Variants in PTPRN2 observed in about 807,000 individuals in gnomAD.
PTPRN2 encodes receptor-type tyrosine-protein phosphatase N2.
In PTPRN2, 74 loss-of-function variants were observed where a neutral mutation model predicts 118.8. The observed-to-expected ratio is 0.62, with a 90% CI of 0.52 to 0.76. The LOEUF (loss-of-function observed/expected upper bound fraction) is 0.76, where lower values mean the gene tolerates loss of function less well. Ranked by LOEUF, PTPRN2 falls within the 30% of genes least tolerant of loss-of-function variation. The pLI is 0.00. For missense variants in PTPRN2, 1,481 were observed against 1,394.4 expected, an observed-to-expected ratio of 1.06 and a Z score of -0.99; for synonymous variants, 641 against 608.0, an observed-to-expected ratio of 1.05 and a Z score of -0.80.
chr7:157,769,703 C>T (rs1802685293), intron 12 of PTPRN2, among the ~76,000 whole-genome samples: 2 of 152,212 alleles, frequency 1.3e-5, no homozygotes, highest in Non-Finnish European at 2.9e-5. Flanking sequence ...TCACCAGCCC[C>T]TCCACACGGA....
At chr7:157,592,700 G>A (rs555540088) in intron 17 of PTPRN2, among the ~76,000 whole-genome samples, 5 of 150,738 alleles carry the variant, frequency 3.3e-5, no homozygotes, top group African/African-American at 7.3e-5. Context: ...GGGCATCATC[G>A]TGGTCGTTGA....
intron 3 of PTPRN2, among the ~76,000 whole-genome samples, chr7:158,253,274 G>A (rs1257650305): frequency 6.6e-6 from 1 of 151,078 alleles, no homozygotes; most frequent in Non-Finnish European, 1.5e-5. Context: ...ACTGACCGGG[G>A]CCAGCACAGC....
intron 12 of PTPRN2, among the ~76,000 whole-genome samples, chr7:157,795,806 C>T (rs375861812): frequency 1.3e-5 from 2 of 152,208 alleles, no homozygotes; most frequent in Non-Finnish European, 2.9e-5. Context: ...GGTGTACCTT[C>T]TGTGAGACCC....
At chr7:157,804,050 T>G (rs1805479483) in intron 12 of PTPRN2, among the ~76,000 whole-genome samples, 1 of 152,246 alleles carries the variant, frequency 6.6e-6, no homozygotes, top group South Asian at 2.1e-4. Flanking sequence ...GATGTATCCT[T>G]ATTATATTTA....
chr7:157,901,211 A>C (rs531596771), intron 11 of PTPRN2, among the ~76,000 whole-genome samples: 3 of 152,338 alleles, frequency 2.0e-5, no homozygotes, highest in Admixed American at 6.5e-5. Flanking sequence ...GAGGGCATGA[A>C]TCCATTCACG....
At chr7:158,115,002 G>A (rs112861368) in intron 9 of PTPRN2, among the ~76,000 whole-genome samples, 367 of 152,130 alleles carry the variant, frequency 2.4e-3, no homozygotes, top group African/African-American at 8.2e-3. Flanking sequence ...ATACAATGGC[G>A]AGCTATCAAC....
rs1310471601 is a variant in PTPRN2, at chr7:158,517,598, G to A, written c.113-27813C>T. Reference sequence around the variant, plus strand: ...AGGATCATCTTTACAAAATGCAAAGGTCATATTGCTCCTGAGCTGCAATGC... The same window carrying A: ...AGGATCATCTTTACAAAATGCAAAGATCATATTGCTCCTGAGCTGCAATGC... On this transcript the variant is annotated intron_variant, in intron 1 of 22. Transcript: ENST00000389418. The surrounding 1 kb of genome is among the most constrained non-coding windows in gnomAD (Gnocchi z 5.3). Among the ~76,000 whole-genome samples the A allele has an allele frequency of 2.0e-5, 3 of 152,132 alleles. No homozygotes were observed. The highest frequency in any genetic ancestry group is 4.4e-5 in the Non-Finnish European group (3 of 68,020).
chr7:157,728,270 C>T (rs1048970867), intron 12 of PTPRN2, among the ~76,000 whole-genome samples: 3 of 152,260 alleles, frequency 2.0e-5, no homozygotes, highest in Non-Finnish European at 4.4e-5. Flanking sequence ...GACAGGCCAC[C>T]CTCAGCCCCA....
intron 11 of PTPRN2, among the ~76,000 whole-genome samples, chr7:157,963,996 T>C (rs1203823502): frequency 6.6e-6 from 1 of 152,248 alleles, no homozygotes; most frequent in Non-Finnish European, 1.5e-5. Context: ...CATTAAGTCC[T>C]AATTACATGT....
At chr7:157,896,367 G>C (rs1797115892) in intron 12 of PTPRN2, among the ~76,000 whole-genome samples, 1 of 152,198 alleles carries the variant, frequency 6.6e-6, no homozygotes, top group Non-Finnish European at 1.5e-5. Context: ...ACCAGGCCCT[G>C]TGGCTCCTCC....
At chr7:157,675,411 CG>C (rs1265743010) in intron 13 of PTPRN2, among the ~76,000 whole-genome samples, 2 of 152,188 alleles carry the variant, frequency 1.3e-5, no homozygotes, top group African/African-American at 4.8e-5. Flanking sequence ...GGGGCTCACC[CG>C]GGTGTTGGCT....
At chr7:158,256,647 G>A (rs1174442682) in intron 3 of PTPRN2, among the ~76,000 whole-genome samples, 1 of 152,068 alleles carries the variant, frequency 6.6e-6, no homozygotes, top group Non-Finnish European at 1.5e-5. Context: ...CAGGACTCAA[G>A]CAGCTGGGCG....
rs138323222 is a variant in PTPRN2 at position 157,623,770 on chromosome 7, A to T, written c.2197-2261T>A. 5.4e-3 allele frequency among the ~76,000 whole-genome samples: 820 copies of T among 152,328 alleles called. 10 individuals carry two copies. Among genetic ancestry groups the T allele is most frequent in the African/African-American group, 0.019 (789 of 41,568 alleles). ...GTCATCTGCAGAGGCACGTGACTCT[A>T]TTAAAACTGAGATAGAGCTGACATC... On this transcript the variant is annotated intron_variant, in intron 14 of 22. Coordinates refer to ENST00000389418, the MANE Select transcript of PTPRN2 (RefSeq NM_002847.5).
rs574312541 is a variant in PTPRN2 at position 158,239,103 on chromosome 7, G to A, written c.278-33830C>T. On this transcript the variant is annotated intron_variant, in intron 3 of 22. Transcript: ENST00000389418. ...AAGGTGCCACAGCCCCCATCACCCC[G>A]GGGTGGGGGCCACCACCATGCCCTG... Among the ~76,000 whole-genome samples the A allele has an allele frequency of 2.2e-3, 331 of 152,268 alleles. 1 individual carries two copies. Among genetic ancestry groups the A allele is most frequent in the African/African-American group, 7.5e-3 (310 of 41,564 alleles).
chr7:158,577,012 TC>T (rs1254696402), intron 1 of PTPRN2, among the ~76,000 whole-genome samples: 2 of 117,794 alleles, frequency 1.7e-5, no homozygotes, highest in Non-Finnish European at 3.4e-5. Flanking sequence ...CACTGAGGGC[TC>T]CCCACCCTGC....
intron 6 of PTPRN2, among the ~76,000 whole-genome samples, chr7:158,143,493 C>T (rs1021673869): frequency 3.5e-4 from 54 of 152,174 alleles, no homozygotes; most frequent in African/African-American, 1.0e-3. Context: ...AGAGTCGGCC[C>T]GGCCATAGCT....
At chr7:157,791,411 C>T (rs1009845184) in intron 12 of PTPRN2, among the ~76,000 whole-genome samples, 26 of 152,238 alleles carry the variant, frequency 1.7e-4, no homozygotes, top group African/African-American at 6.3e-4. Context: ...GCTTGGGAAG[C>T]GGAGCGGCCG....
chr7:158,530,766 A>G (rs1378275166), intron 1 of PTPRN2, among the ~76,000 whole-genome samples: 1 of 151,938 alleles, frequency 6.6e-6, no homozygotes, highest in Non-Finnish European at 1.5e-5. Context: ...AAACATGCAC[A>G]CTCCCAAGAT....
At chr7:158,536,216 C>G (rs1055646209) in intron 1 of PTPRN2, among the ~76,000 whole-genome samples, 1 of 152,162 alleles carries the variant, frequency 6.6e-6, no homozygotes, top group Non-Finnish European at 1.5e-5. Flanking sequence ...AAAATCATCA[C>G]CTCCTCCTCT....
Sources: gnomAD v4.1 joint callset for allele counts (sites outside exome capture counted in the v4.1 genomes callset) on GRCh38, gnomAD v4.1.1 for gene constraint, Gnocchi (gnomAD v3.1) non-coding constraint, MANE v1.5 for transcripts, NCBI Gene and HGNC (gene_info 2026-07-23, HGNC 2026-07-21) for gene names.